The following RRBP1 variants were observed in gnomAD, a reference collection of about 807,000 sequenced individuals.
The protein encoded by RRBP1 is ribosome binding protein 1, also known as ribosome-binding protein 1.
Under a neutral mutation model 165.2 loss-of-function variants are expected in RRBP1, and 94 were observed. The ratio of observed to expected loss-of-function variants is 0.57; its 90% CI spans 0.48 to 0.68. The LOEUF (loss-of-function observed/expected upper bound fraction) is 0.68, where lower values mean the gene tolerates loss of function less well. Among genes scored for constraint, RRBP1 ranks in the 30% least tolerant of loss-of-function variants. The pLI, the probability that RRBP1 is intolerant of heterozygous loss-of-function variation, is 0.00. For missense variants in RRBP1, 1,676 were observed against 1,763.0 expected, an observed-to-expected ratio of 0.95 and a Z score of 0.88; for synonymous variants, 680 against 714.5, an observed-to-expected ratio of 0.95 and a Z score of 0.77.
intron 3 of RRBP1, among the ~76,000 whole-genome samples, chr20:17,644,929 T>C (rs542896550): frequency 6.6e-6 from 1 of 152,264 alleles, no homozygotes; most frequent in African/African-American, 2.4e-5. Context: ...CCTTTTTAAA[T>C]GTGGCTGAGG....
chr20:17,651,426 C>G (rs1191028812), intron 3 of RRBP1, among the ~76,000 whole-genome samples: 1 of 152,210 alleles, frequency 6.6e-6, no homozygotes, highest in Non-Finnish European at 1.5e-5. Context: ...GTATGTACAT[C>G]ATTGCAGCAT....
At chr20:17,625,404 G>T in intron 12 of RRBP1, 108 bp downstream of exon 12, 1 of 941,256 alleles carries the variant, frequency 1.1e-6, no homozygotes. Context: ...AGAAACACAA[G>T]CTCAGCCCTC....
rs561936693 is a variant in RRBP1 at position 17,670,217 on chromosome 20, A to T, written c.-21-9689T>A. On this transcript the variant is annotated intron_variant, in intron 2 of 24. Coordinates refer to ENST00000377813, the MANE Select transcript of RRBP1 (RefSeq NM_001365613.2). ...CCGTAGGTGTGGAAGGTGAATATAA[A>T]CTTATTTTTAAACGTTAAACCAAGT... 6.6e-5 allele frequency among the ~76,000 whole-genome samples: 10 copies of T among 152,298 alleles called. No homozygotes were observed. The South Asian group carries it at 2.1e-3, about 32-fold the overall frequency.
Position 17,621,928 on chromosome 20 carries a change from A to G in RRBP1, c.3167T>C (p.Leu1056Pro). Residue 1056 changes from leucine (L) to proline (P), a missense_variant, in exon 14 of 25, where the codon CTC becomes CCC. Physicochemically the swap from Leu to Pro is moderately conservative, Grantham distance 98. Coordinates refer to ENST00000377813, the MANE Select transcript of RRBP1 (RefSeq NM_001365613.2). ...CATGGTCTGCGCCTCAATCAGACAGAGCTGCTTCTCCGATTCCTCCTGGGG... is the reference window on the plus strand; with the variant it reads ...CATGGTCTGCGCCTCAATCAGACAGGGCTGCTTCTCCGATTCCTCCTGGGG... ...TQAKEESEKQLCLIEAQTMEA... is the reference protein window; with the variant it reads ...TQAKEESEKQPCLIEAQTMEA... 1.2e-6 allele frequency: 2 copies of G among 1,611,006 alleles called. No individual in the cohort carries two copies. Among genetic ancestry groups the G allele is most frequent in the African/African-American group, 1.3e-5 (1 of 74,596 alleles).
rs776752768 is a variant in RRBP1 at position 17,615,994 on chromosome 20, C to G, written c.3883G>C (p.Glu1295Gln). Residue 1295 changes from glutamate to glutamine, a missense_variant, in exon 22 of 25, where the codon GAG (glutamate) becomes CAG (glutamine). Glu to Gln is a conservative substitution (Grantham distance 29). Coordinates refer to ENST00000377813, the MANE Select transcript of RRBP1 (RefSeq NM_001365613.2). ...QDPVQLKTQLEWTEAILEDEQ... is the reference protein window; with the variant it reads ...QDPVQLKTQLQWTEAILEDEQ... ...TCCTCCAGGATGGCTTCTGTCCACTCCAGCTGCGTCTTCAGCTGTGCAAAC... is the reference window on the plus strand; with the variant it reads ...TCCTCCAGGATGGCTTCTGTCCACTGCAGCTGCGTCTTCAGCTGTGCAAAC... The G allele has an allele frequency of 1.2e-6, 2 of 1,606,974 alleles. No homozygotes were observed. The highest frequency in any genetic ancestry group is 1.7e-6 in the Non-Finnish European group (2 of 1,179,818).
chr20:17,626,175 A>G (rs1449220037), intron 11 of RRBP1, among the ~76,000 whole-genome samples: 2 of 152,146 alleles, frequency 1.3e-5, no homozygotes, highest in Non-Finnish European at 2.9e-5. Flanking sequence ...AAAAGCACCA[A>G]TTTCTGCCAG....
In RRBP1 at chr20:17,679,989, C is replaced by T. The variant is rs1253444878; in HGVS notation, c.-22+10G>A. 1 of 152,250 alleles carries T rather than the reference C, an allele frequency of 6.6e-6. No homozygotes were observed. The highest frequency in any genetic ancestry group is 2.4e-5 in the African/African-American group (1 of 41,450). The allele number at this position is 152,250 out of a possible 1,614,324, so 9.4% of individuals were successfully genotyped here. On this transcript the variant is annotated intron_variant, in intron 2 of 24. Transcript: ENST00000377813. ...TGCGGTGCTCCATGTAAAAGGAAAA[C>T]TTCACCTACTAGGAGGTCTGCCCCG...
intron 5 of RRBP1, chr20:17,641,594 G>T: frequency 1.6e-6 from 1 of 633,394 alleles, no homozygotes; most frequent in Non-Finnish European, 2.8e-6. Context: ...ACGCCGTAGA[G>T]CCACGAGCAC....
chr20:17,615,604 G>A lies in RRBP1; in HGVS notation c.3952-75C>T, dbSNP rs544378914. On this transcript the variant is annotated intron_variant, in intron 22 of 24. Transcript: ENST00000377813. ...GTGCTGTCAAGACCCTACCGAGCACGCCTGGGGACCAGGGGGCCCCCCCAG... is the reference window on the plus strand; with the variant it reads ...GTGCTGTCAAGACCCTACCGAGCACACCTGGGGACCAGGGGGCCCCCCCAG... 17 of 1,282,390 alleles carry A rather than the reference G, an allele frequency of 1.3e-5. 1 individual carries two copies. The highest frequency in any genetic ancestry group is 1.1e-4 in the South Asian group (7 of 65,118). 79.4% of individuals were successfully genotyped at this position (1,282,390 alleles called of 1,614,324 possible).
chr20:17,634,191 G>A (rs1029067900), intron 7 of RRBP1, among the ~76,000 whole-genome samples: 4 of 152,262 alleles, frequency 2.6e-5, no homozygotes, highest in African/African-American at 9.6e-5. Flanking sequence ...CCTTTCCAGC[G>A]TAAGGCGTGT....
intron 3 of RRBP1, among the ~76,000 whole-genome samples, chr20:17,653,197 G>T (rs575570283): frequency 6.6e-6 from 1 of 152,328 alleles, no homozygotes; most frequent in East Asian, 1.9e-4. Flanking sequence ...CGCGCCCTCG[G>T]GCTCTCCCCT....
At chr20:17,629,792 G>GA (rs1568761432) in intron 9 of RRBP1, 31 bp downstream of exon 9, 2 of 1,582,884 alleles carry the variant, frequency 1.3e-6, no homozygotes, top group East Asian at 4.5e-5. Flanking sequence ...ACCCTGCACT[G>GA]AACCCCCGGC....
Position 17,620,826 on chromosome 20 carries a change from G to A in RRBP1, c.3415-19C>T, listed in dbSNP as rs1287593627. On this transcript the variant is annotated intron_variant, in intron 16 of 24. Coordinates refer to ENST00000377813, the MANE Select transcript of RRBP1 (RefSeq NM_001365613.2). ...TGCCCTCCTGGGGGGAAACCGAGGT[G>A]AGGCAGGGCCCTCTCCCTCCCGAGA... 1 of 1,581,362 alleles carries A rather than the reference G, an allele frequency of 6.3e-7. No individual in the cohort carries two copies. Among genetic ancestry groups the A allele is most frequent in the Non-Finnish European group, 8.6e-7 (1 of 1,160,454 alleles).
chr20:17,619,219 C>T (rs187893385), intron 19 of RRBP1: 91 of 178,820 alleles, frequency 5.1e-4, no homozygotes, highest in African/African-American at 2.0e-3. Context: ...GTGCCTGGCC[C>T]AAAAGTTTGA....
chr20:17,663,703 T>C (rs1372137137), intron 2 of RRBP1, among the ~76,000 whole-genome samples: 1 of 152,232 alleles, frequency 6.6e-6, no homozygotes, highest in Non-Finnish European at 1.5e-5. Flanking sequence ...TTCACAGAAA[T>C]GATGAAGCCA....
intron 9 of RRBP1, among the ~76,000 whole-genome samples, chr20:17,628,753 A>T (rs779675867): frequency 6.6e-6 from 1 of 152,228 alleles, no homozygotes; most frequent in African/African-American, 2.4e-5. Flanking sequence ...TGCCTCAGAG[A>T]GTCTCCAGGA....
At chr20:17,649,270 C>T (rs1281015298) in intron 3 of RRBP1, among the ~76,000 whole-genome samples, 9 of 152,158 alleles carry the variant, frequency 5.9e-5, no homozygotes, top group African/African-American at 1.7e-4. Flanking sequence ...GTGCAACTGC[C>T]GGCGAGAAGG....
chr20:17,650,887 AAAT>A (rs1217263566), intron 3 of RRBP1, among the ~76,000 whole-genome samples: 3 of 152,210 alleles, frequency 2.0e-5, no homozygotes, highest in Non-Finnish European at 4.4e-5. Flanking sequence ...CTGAGGATAA[AAAT>A]AGATTTTTTT....
At chr20:17,640,682 G>A (rs1726508799) in intron 5 of RRBP1, among the ~76,000 whole-genome samples, 2 of 152,148 alleles carry the variant, frequency 1.3e-5, no homozygotes, top group Admixed American at 6.5e-5. Flanking sequence ...GCTGCCCTGA[G>A]CATGCAGCCA....
Sources: allele counts gnomAD v4.1 joint callset (sites outside exome capture counted in the v4.1 genomes callset), GRCh38; gene constraint gnomAD v4.1.1; transcripts MANE v1.5; gene names NCBI Gene and HGNC (gene_info 2026-07-23, HGNC 2026-07-21).